Variants in ZNF277 observed in about 807,000 individuals in gnomAD.
The protein encoded by ZNF277 is nuclear receptor-interacting factor 4.
ZNF277 carries 55 observed loss-of-function variants against 60.7 expected under a neutral mutation model. The observed-to-expected ratio is 0.91, with a 90% CI of 0.73 to 1.13. The LOEUF (loss-of-function observed/expected upper bound fraction) is 1.13, where lower values mean the gene tolerates loss of function less well. Among genes scored for constraint, ZNF277 ranks in the 50% most tolerant of loss-of-function variants. The pLI is 0.00. For missense variants in ZNF277, 510 were observed against 523.0 expected (o/e 0.98, Z 0.24); for synonymous variants, 178 against 179.3 (o/e 0.99, Z 0.06).
rs1792752111 is a variant in ZNF277, at chr7:112,312,447, C to T, written c.466-5735C>T. Among the ~76,000 whole-genome samples the T allele has an allele frequency of 2.6e-5, 4 of 152,138 alleles. No individual in the cohort carries two copies. In the South Asian group the frequency reaches 8.3e-4, roughly 32 times the overall value. On this transcript the variant is annotated intron_variant, in intron 4 of 11. Coordinates refer to ENST00000361822, the MANE Select transcript of ZNF277 (RefSeq NM_021994.3). The stretch of plus-strand genomic sequence containing the variant: ...TTTAAATTTACTGTTGATTTTCTTA[C>T]TTGTGATGATAATGGTTTTGTGGTT...
Position 112,294,512 on chromosome 7 carries a change from G to A in ZNF277, c.294-1357G>A, listed in dbSNP as rs185834230. Reference sequence around the variant, plus strand: ...TTAAGATCTCCTAGAATACAAGTTAGCACTGTTTTATAAGGAAAGGGTTCT... The same window carrying A: ...TTAAGATCTCCTAGAATACAAGTTAACACTGTTTTATAAGGAAAGGGTTCT... On this transcript the variant is annotated intron_variant, in intron 2 of 11. Coordinates refer to ENST00000361822, the MANE Select transcript of ZNF277 (RefSeq NM_021994.3). 9.2e-5 allele frequency among the ~76,000 whole-genome samples: 14 copies of A among 152,288 alleles called. No individual in the cohort carries two copies. In the East Asian group the frequency reaches 2.5e-3, roughly 27 times the overall value.
chr7:112,292,788 CT>C (rs1460419517), intron 2 of ZNF277, among the ~76,000 whole-genome samples: 1 of 152,142 alleles, frequency 6.6e-6, no homozygotes, highest in East Asian at 1.9e-4. Context: ...CATCATTCTT[CT>C]CTTCTACCAC....
chr7:112,236,791 C>T (rs886908102), intron 1 of ZNF277, among the ~76,000 whole-genome samples: 3 of 152,048 alleles, frequency 2.0e-5, no homozygotes, highest in African/African-American at 4.8e-5. Context: ...TGAGGGACTT[C>T]GACACACCAC....
intron 7 of ZNF277, among the ~76,000 whole-genome samples, chr7:112,331,684 G>T (rs59736973): frequency 0.037 from 5,670 of 152,214 alleles, 357 homozygotes; most frequent in African/African-American, 0.13. Flanking sequence ...CCAGCTAAAG[G>T]CAAACGTACC....
At chr7:112,223,698 G>A (rs1344188828) in intron 1 of ZNF277, among the ~76,000 whole-genome samples, 1 of 152,180 alleles carries the variant, frequency 6.6e-6, no homozygotes, top group Non-Finnish European at 1.5e-5. Context: ...GTCCAGGGAT[G>A]GCTGCAAAAT....
Position 112,339,903 on chromosome 7 carries a change from G to GT in ZNF277, c.1009+25dup, listed in dbSNP as rs761632861. On this transcript the variant is annotated intron_variant, in intron 10 of 11. Coordinates refer to ENST00000361822, the MANE Select transcript of ZNF277 (RefSeq NM_021994.3). ...AGAACTTGGTAAGTTTGATTCAGAG[G>GT]TTTTTTTCTGTGATGCTTCATTTTT... The GT allele has an allele frequency of 8.2e-5, 132 of 1,605,936 alleles. No individual in the cohort carries two copies. The African/African-American group carries it at 1.7e-3, about 20-fold the overall frequency.
chr7:112,284,928 T>C (rs190497884), intron 1 of ZNF277, among the ~76,000 whole-genome samples: 19 of 152,320 alleles, frequency 1.2e-4, no homozygotes. Flanking sequence ...ACTTTAACCT[T>C]GGTAGCACTG....
intron 1 of ZNF277, among the ~76,000 whole-genome samples, chr7:112,267,835 A>G (rs1266464866): frequency 6.6e-6 from 1 of 152,146 alleles, no homozygotes; most frequent in Non-Finnish European, 1.5e-5. Context: ...TCAAAATAGC[A>G]GGGGTGGCAG....
chr7:112,240,121 T>A (rs4730517), intron 1 of ZNF277, among the ~76,000 whole-genome samples: 32,226 of 151,770 alleles, frequency 0.21, 3,998 homozygotes, highest in African/African-American at 0.35. Context: ...AAAATTGAAA[T>A]GCCAGAAATT....
At chr7:112,234,853 CTTATA>C (rs1295046817) in intron 1 of ZNF277, among the ~76,000 whole-genome samples, 2 of 151,816 alleles carry the variant, frequency 1.3e-5, no homozygotes, top group Non-Finnish European at 2.9e-5. Context: ...AGCTGAGCAT[CTTATA>C]TATAAGAGCC....
intron 1 of ZNF277, among the ~76,000 whole-genome samples, chr7:112,256,422 T>G (rs1040237346): frequency 3.0e-5 from 2 of 67,126 alleles, no homozygotes; most frequent in African/African-American, 1.5e-4. Flanking sequence ...TTCTTTGGAG[T>G]TTTTTTTTTT....
intron 5 of ZNF277, among the ~76,000 whole-genome samples, chr7:112,325,386 A>G (rs1284684434): frequency 2.6e-5 from 4 of 152,146 alleles, no homozygotes; most frequent in Non-Finnish European, 4.4e-5. Context: ...GTCTCCTTCC[A>G]GCTCTTAGAT....
chr7:112,298,641 C>G (rs1311713770), intron 4 of ZNF277, among the ~76,000 whole-genome samples: 1 of 152,158 alleles, frequency 6.6e-6, no homozygotes, highest in Admixed American at 6.5e-5. Flanking sequence ...TTCAAGCTGT[C>G]AAAGCCTGAG....
chr7:112,267,593 AG>A (rs1380330715), intron 1 of ZNF277, among the ~76,000 whole-genome samples: 1 of 152,220 alleles, frequency 6.6e-6, no homozygotes, highest in African/African-American at 2.4e-5. Context: ...GCATGTGATT[AG>A]CTTTTGCTGC....
At chr7:112,257,200 G>A (rs1791334173) in intron 1 of ZNF277, among the ~76,000 whole-genome samples, 1 of 152,084 alleles carries the variant, frequency 6.6e-6, no homozygotes, top group Non-Finnish European at 1.5e-5. Flanking sequence ...TATATTTTTG[G>A]TTTTTGTTTC....
chr7:112,289,712 G>T (rs868610820), intron 2 of ZNF277, among the ~76,000 whole-genome samples: 1 of 151,952 alleles, frequency 6.6e-6, no homozygotes, highest in African/African-American at 2.4e-5. Flanking sequence ...CTTTCCTAAG[G>T]CTTCTATTAG....
intron 1 of ZNF277, among the ~76,000 whole-genome samples, chr7:112,277,273 G>C (rs1009705906): frequency 6.6e-6 from 1 of 151,748 alleles, no homozygotes; most frequent in Non-Finnish European, 1.5e-5. Context: ...TATTAGAGAC[G>C]GGGTTTCACC....
intron 8 of ZNF277, among the ~76,000 whole-genome samples, chr7:112,336,729 A>G (rs1189376226): frequency 6.6e-6 from 1 of 152,084 alleles, no homozygotes; most frequent in Non-Finnish European, 1.5e-5. Context: ...TTTAATAGTG[A>G]GGTAAAGCCC....
chr7:112,289,439 T>C (rs28402908), intron 2 of ZNF277, among the ~76,000 whole-genome samples: 6,665 of 152,294 alleles, frequency 0.044, 346 homozygotes, highest in African/African-American at 0.13. Flanking sequence ...TTGAATGATA[T>C]ATATTGCCAA....
Sources: allele counts gnomAD v4.1 joint callset (sites outside exome capture counted in the v4.1 genomes callset), GRCh38; gene constraint gnomAD v4.1.1; transcripts MANE v1.5; gene names NCBI Gene and HGNC (gene_info 2026-07-23, HGNC 2026-07-21).